Variants in CEMIP observed in about 807,000 individuals in gnomAD.
The protein encoded by CEMIP is cell migration-inducing and hyaluronan-binding protein.
In CEMIP, 105 loss-of-function variants were observed where a neutral mutation model predicts 156.9. That is an observed-to-expected ratio of 0.67 (90% CI 0.57 to 0.79). The LOEUF is 0.79. CEMIP is among the 30% of genes least tolerant of loss of function. CEMIP has a pLI of 0.00. For synonymous variants in CEMIP, 676 were observed against 668.4 expected, an observed-to-expected ratio of 1.01 and a Z score of -0.17; for missense variants, 1,457 against 1,769.4, an observed-to-expected ratio of 0.82 and a Z score of 3.17.
chr15:80,943,379 C>A (rs1439133675), intron 28 of CEMIP, among the ~76,000 whole-genome samples: 1 of 152,218 alleles, frequency 6.6e-6, no homozygotes, highest in Non-Finnish European at 1.5e-5. Context: ...TCACTACACT[C>A]CCAGCATGAT....
intron 24 of CEMIP, 140 bp downstream of exon 24, chr15:80,937,025 C>T (rs1055772414): frequency 3.3e-5 from 27 of 827,188 alleles, no homozygotes; most frequent in Admixed American, 6.0e-5. Context: ...TTGACATCAC[C>T]CAGGAGTTAA....
At chr15:80,926,831 G>GGGGC (rs1900696426) in intron 19 of CEMIP, among the ~76,000 whole-genome samples, 1 of 106,540 alleles carries the variant, frequency 9.4e-6, no homozygotes, top group African/African-American at 5.1e-5. Flanking sequence ...GGGGGGGGGG[G>GGGGC]TCTTCTTTTT....
intron 1 of CEMIP, among the ~76,000 whole-genome samples, chr15:80,785,990 C>T (rs757979813): frequency 2.6e-5 from 4 of 152,154 alleles, no homozygotes; most frequent in Non-Finnish European, 5.9e-5. Flanking sequence ...TTAAAAATTA[C>T]TTGAACCACA....
chr15:80,919,860 A>G (rs1900406561), intron 14 of CEMIP, among the ~76,000 whole-genome samples: 1 of 151,108 alleles, frequency 6.6e-6, no homozygotes, highest in South Asian at 2.1e-4. Flanking sequence ...CACTTTCCCC[A>G]GGCCTATCAC....
chr15:80,936,777 C>G lies in CEMIP; in HGVS notation c.3113C>G (p.Thr1038Ser), dbSNP rs1251964024. Residue 1038 changes from threonine (T) to serine (S), a missense_variant, in exon 24 of 30, where the codon ACC becomes AGC. This residue lies in a region of CEMIP where 798 missense variants were observed against 980.1 expected (regional missense o/e 0.81). Coordinates refer to ENST00000394685, the MANE Select transcript of CEMIP (RefSeq NM_001293298.2). ...CTGGAGGGGGCGCTCACCAGGAGCACCCATTACCAGCAATACCAACCGGTT... is the reference window on the plus strand; with the variant it reads ...CTGGAGGGGGCGCTCACCAGGAGCAGCCATTACCAGCAATACCAACCGGTT... ...LYLEGALTRS[T>S]HYQQYQPVVT... The G allele has an allele frequency of 2.5e-6, 4 of 1,614,076 alleles. No individual in the cohort carries two copies. The highest frequency in any genetic ancestry group is 3.4e-6 in the Non-Finnish European group (4 of 1,180,030).
chr15:80,844,498 G>A (rs1290946306), intron 1 of CEMIP, among the ~76,000 whole-genome samples: 1 of 152,168 alleles, frequency 6.6e-6, no homozygotes, highest in Non-Finnish European at 1.5e-5. Flanking sequence ...TTTTTGGGTG[G>A]CCATTGCCTC....
intron 12 of CEMIP, chr15:80,901,098 G>A (rs916894818): frequency 2.6e-6 from 1 of 385,422 alleles, no homozygotes; most frequent in African/African-American, 2.1e-5. Context: ...CCCCTCCCTT[G>A]ATTTTCCACC....
At position 80,909,011 on chromosome 15, in the gene CEMIP, C is replaced by T. The variant is rs1349306351; in HGVS notation, c.1588-86C>T. ...AGTGGAGACTGACAAAGAACAATGC[C>T]TCTGCATCTTTGGAATATGGGCACC... On this transcript the variant is annotated intron_variant, in intron 13 of 29. Coordinates refer to ENST00000394685, the MANE Select transcript of CEMIP (RefSeq NM_001293298.2). 6 of 1,245,756 alleles carry T rather than the reference C, an allele frequency of 4.8e-6. No homozygotes were observed. In the Admixed American group the frequency reaches 9.2e-5, roughly 19 times the overall value. The allele number at this position is 1,245,756 out of a possible 1,614,324, so 77.2% of individuals were successfully genotyped here.
chr15:80,926,147 T>C (rs938313789), intron 19 of CEMIP, among the ~76,000 whole-genome samples: 6 of 152,236 alleles, frequency 3.9e-5, no homozygotes, highest in Non-Finnish European at 7.3e-5. Context: ...AACATATAAA[T>C]TATGATCTCC....
intron 1 of CEMIP, among the ~76,000 whole-genome samples, chr15:80,844,969 C>T (rs1304768256): frequency 6.6e-6 from 1 of 152,198 alleles, no homozygotes; most frequent in Non-Finnish European, 1.5e-5. Flanking sequence ...ACCTTCAAAT[C>T]AGCTCATCCA....
Position 80,873,855 on chromosome 15 carries a change from C to T in CEMIP, c.-16-9C>T, listed in dbSNP as rs1427609258. The T allele has an allele frequency of 9.0e-6, 14 of 1,559,014 alleles. No homozygotes were observed. In the Admixed American group the frequency reaches 2.7e-4, roughly 30 times the overall value. Reference sequence around the variant, plus strand: ...GCTGCATGTCTGACTCTGTGTGCTTCTCTTTCAGGGAGCACACTGCCAGGA... The same window carrying T: ...GCTGCATGTCTGACTCTGTGTGCTTTTCTTTCAGGGAGCACACTGCCAGGA... On this transcript the variant is annotated splice_polypyrimidine_tract_variant and intron_variant, in intron 2 of 29. Transcript: ENST00000394685.
intron 7 of CEMIP, among the ~76,000 whole-genome samples, chr15:80,886,553 G>A (rs537921033): frequency 2.6e-5 from 4 of 152,162 alleles, no homozygotes; most frequent in Non-Finnish European, 2.9e-5. Context: ...GCTACTGTAG[G>A]GGGGGAAAAT....
chr15:80,873,105 A>C (rs935741883), intron 1 of CEMIP, among the ~76,000 whole-genome samples: 1 of 152,204 alleles, frequency 6.6e-6, no homozygotes, highest in African/African-American at 2.4e-5. Context: ...CACTTCTGCT[A>C]TATTGGCCAG....
At chr15:80,829,279 C>T (rs777703738) in intron 1 of CEMIP, among the ~76,000 whole-genome samples, 7 of 152,202 alleles carry the variant, frequency 4.6e-5, no homozygotes, top group Admixed American at 1.3e-4. Context: ...CCACTCCTTC[C>T]GTCTTCTGGG....
intron 1 of CEMIP, chr15:80,842,058 C>A (rs1479545560): frequency 7.5e-6 from 4 of 529,934 alleles, no homozygotes; most frequent in Non-Finnish European, 1.2e-5. Context: ...TCAATATATT[C>A]TTGAGTTGCA....
chr15:80,849,015 A>G (rs1283127173), intron 1 of CEMIP, among the ~76,000 whole-genome samples: 2 of 114,694 alleles, frequency 1.7e-5, no homozygotes, highest in Non-Finnish European at 3.3e-5. Flanking sequence ...TGAGAGAGAT[A>G]GAGCCTTGCT....
chr15:80,933,481 G>A (rs748531864), intron 23 of CEMIP, 21 bp downstream of exon 23: 11 of 1,594,088 alleles, frequency 6.9e-6, no homozygotes, highest in South Asian at 5.5e-5. Context: ...CATTCTGGGG[G>A]CCGGCCACTC....
At chr15:80,851,731 G>T (rs191685457) in intron 1 of CEMIP, among the ~76,000 whole-genome samples, 1 of 152,148 alleles carries the variant, frequency 6.6e-6, no homozygotes, top group African/African-American at 2.4e-5. Context: ...TGGTACTAGC[G>T]TGGCCAGAGT....
chr15:80,920,106 G>A lies in CEMIP; in HGVS notation c.1810G>A (p.Val604Met), dbSNP rs776176560. 12 of 1,614,234 alleles carry A rather than the reference G, an allele frequency of 7.4e-6. No individual in the cohort carries two copies. The Admixed American group carries it at 2.0e-4, about 27-fold the overall frequency. ...GSNGLLIKDV[V>M]GYNSLGHCFF... Reference sequence around the variant, plus strand: ...TTGACCCCTGCAGATCAAGGACGTTGTGGGCTATAACTCTTTGGGCCACTG... The same window carrying A: ...TTGACCCCTGCAGATCAAGGACGTTATGGGCTATAACTCTTTGGGCCACTG... The change falls in exon 15 of 30, where the codon GTG becomes ATG. Residue 604 changes from valine to methionine, a missense_variant. Transcript: ENST00000394685.
Sources: allele counts gnomAD v4.1 joint callset (sites outside exome capture counted in the v4.1 genomes callset), GRCh38; gene constraint gnomAD v4.1.1; regional missense constraint gnomAD v4.1.1; transcripts MANE v1.5; gene names NCBI Gene and HGNC (gene_info 2026-07-23, HGNC 2026-07-21).